DHX9: variants seen among roughly 807,000 people sequenced by gnomAD.
DHX9 encodes the protein ATP-dependent RNA helicase A.
Under a neutral mutation model 148.7 loss-of-function variants are expected in DHX9, and 27 were observed. That is an observed-to-expected ratio of 0.18 (90% CI 0.13 to 0.25). The LOEUF (loss-of-function observed/expected upper bound fraction) is 0.25. Among genes scored for constraint, DHX9 ranks in the 10% least tolerant of loss-of-function variants. The pLI is 1.00. For missense variants in DHX9, 796 were observed against 1,559.6 expected (o/e 0.51, Z 8.25); for synonymous variants, 529 against 516.6 (o/e 1.02, Z -0.33).
At chr1:182,856,450 A>G in intron 6 of DHX9, 82 bp from the exon 7 acceptor site, 1 of 1,232,602 alleles carries the variant, frequency 8.1e-7, no homozygotes, top group Non-Finnish European at 1.2e-6. Context: ...AAGCAGTTGG[A>G]AAGCCTGCCT....
At chr1:182,859,365 G>GT (rs1668313677) in intron 11 of DHX9, among the ~76,000 whole-genome samples, 1 of 151,998 alleles carries the variant, frequency 6.6e-6, no homozygotes, top group Admixed American at 6.5e-5. Context: ...TTTGTTGTTG[G>GT]TTTTTTTGTT....
chr1:182,868,382 C>G (rs1418746404), intron 14 of DHX9, among the ~76,000 whole-genome samples: 2 of 151,566 alleles, frequency 1.3e-5, no homozygotes, highest in Non-Finnish European at 2.9e-5. Context: ...TCAAGCATAA[C>G]AGTCAAAAAA....
Position 182,867,040 on chromosome 1 carries a change from T to G in DHX9, c.1554T>G (p.Ile518Met). The G allele has an allele frequency of 6.3e-7, 1 of 1,588,370 alleles. No homozygotes were observed. Among genetic ancestry groups the G allele is most frequent in the Non-Finnish European group, 8.6e-7 (1 of 1,167,530 alleles). Residue 518 changes from isoleucine to methionine, a missense_variant, in exon 14 of 28, where the codon ATT (isoleucine) becomes ATG (methionine). Physicochemically the swap from Ile to Met is conservative, Grantham distance 10. Around this residue, in one of 14 missense-constraint regions of DHX9, gnomAD observed 5 missense variants for 48.3 expected, o/e 0.10. Coordinates refer to ENST00000367549, the MANE Select transcript of DHX9 (RefSeq NM_001357.5). The stretch of plus-strand genomic sequence containing the variant: ...TAGATGAAATACATGAAAGAGATAT[T>G]AATGTAAGTAACTTGAGAGGTACAG... Reference protein sequence around the residue: ...VIVDEIHERDINTDFLLVVLR... With the variant: ...VIVDEIHERDMNTDFLLVVLR...
Position 182,872,381 on chromosome 1 carries a change from T to C in DHX9, c.1602T>C (p.Tyr534=), listed in dbSNP as rs770769503. Residue 534 remains tyrosine (Y), a synonymous_variant, in exon 15 of 28, where the codon TAT becomes TAC. Transcript: ENST00000367549. ...LVVLRDVVQA[Y]PEVRIVLMSA... ...TACTGCGTGATGTTGTTCAGGCTTA[T>C]CCTGAAGTTCGCATTGTTCTTATGT... is the stretch of plus-strand genomic sequence containing the variant. 1.2e-6 allele frequency: 2 copies of C among 1,614,014 alleles called. No homozygotes were observed. Among genetic ancestry groups the C allele is most frequent in the Admixed American group, 3.3e-5 (2 of 60,010 alleles).
chr1:182,874,641 A>G (rs1441121713), intron 15 of DHX9, among the ~76,000 whole-genome samples: 1 of 152,202 alleles, frequency 6.6e-6, no homozygotes, highest in East Asian at 1.9e-4. Context: ...ACATGTATAA[A>G]AGACACCTCA....
At chr1:182,875,178 C>T (rs1386722753) in intron 16 of DHX9, 2 of 560,706 alleles carry the variant, frequency 3.6e-6, no homozygotes, top group East Asian at 8.1e-5. Flanking sequence ...GCGTAAAGAT[C>T]AAAGGAAAAA....
intron 3 of DHX9, among the ~76,000 whole-genome samples, chr1:182,848,973 G>A (rs1421220156): frequency 6.6e-6 from 1 of 152,190 alleles, no homozygotes; most frequent in East Asian, 1.9e-4. Flanking sequence ...CCATGCATGA[G>A]AAACCCACCT....
chr1:182,842,498 T>C, intron 1 of DHX9, 47 bp from the exon 2 acceptor site: 3 of 1,110,340 alleles, frequency 2.7e-6, no homozygotes, highest in Non-Finnish European at 3.9e-6. Flanking sequence ...TTCCTCCCAG[T>C]TTTTGCTATT....
chr1:182,884,493 T>A (rs1426289151), intron 26 of DHX9, 120 bp from the exon 27 acceptor site: 17 of 890,984 alleles, frequency 1.9e-5, no homozygotes, highest in South Asian at 9.0e-5. Flanking sequence ...TTTTTTTTTT[T>A]AATATTAATG....
At chr1:182,870,352 G>A (rs766304512) in intron 14 of DHX9, among the ~76,000 whole-genome samples, 1 of 152,148 alleles carries the variant, frequency 6.6e-6, no homozygotes, top group African/African-American at 2.4e-5. Context: ...GCCCCAAATA[G>A]CCAGTATTTC....
chr1:182,847,381 GTTTTGTTTTT>G (rs1028354389), intron 3 of DHX9, among the ~76,000 whole-genome samples: 1 of 152,066 alleles, frequency 6.6e-6, no homozygotes, highest in Non-Finnish European at 1.5e-5. Context: ...GTTTTGTTTT[GTTTTGTTTTT>G]AATCAGGCAT....
intron 4 of DHX9, 87 bp downstream of exon 4, chr1:182,852,431 GAACTGCAGTA>G: frequency 1.1e-6 from 1 of 884,298 alleles, no homozygotes; most frequent in South Asian, 1.9e-5. Context: ...TGGGTAGAAA[GAACTGCAGTA>G]AACTCTTGAT....
intron 5 of DHX9, among the ~76,000 whole-genome samples, chr1:182,853,718 T>TA (rs1012888666): frequency 5.3e-5 from 8 of 151,456 alleles, no homozygotes; most frequent in Admixed American, 6.6e-5. Context: ...GCACTTAGAG[T>TA]AAAAAAAAGT....
At chr1:182,868,103 A>C (rs1478562478) in intron 14 of DHX9, among the ~76,000 whole-genome samples, 1 of 152,236 alleles carries the variant, frequency 6.6e-6, no homozygotes, top group Non-Finnish European at 1.5e-5. Context: ...TAAGTGTTTT[A>C]GGAGTTGTAT....
rs781709109 is a variant in DHX9 at position 182,858,565 on chromosome 1, A to G, written c.825A>G (p.Lys275=). The part of the protein sequence containing the change: ...KKEGETVEPY[K]VNLSQDLEHQ... ...TTTTTCCATAGGTGGAGCCTTACAA[A>G]GTAAACCTCTCTCAAGATTTAGAGC... is the stretch of plus-strand genomic sequence containing the variant. Residue 275 remains lysine, a synonymous_variant, in exon 9 of 28, where the codon AAA becomes AAG. Coordinates refer to ENST00000367549, the MANE Select transcript of DHX9 (RefSeq NM_001357.5). 11 of 1,610,084 alleles carry G rather than the reference A, an allele frequency of 6.8e-6. No individual in the cohort carries two copies. The South Asian group carries it at 1.1e-4, about 16-fold the overall frequency.
At chr1:182,876,762 A>G (rs1462845672) in intron 18 of DHX9, 68 bp from the exon 19 acceptor site, 1 of 1,228,792 alleles carries the variant, frequency 8.1e-7, no homozygotes, top group Non-Finnish European at 1.2e-6. Flanking sequence ...TTACATACAT[A>G]AGCAAATCAG....
At chr1:182,844,969 T>C (rs556489237) in intron 3 of DHX9, among the ~76,000 whole-genome samples, 26 of 152,326 alleles carry the variant, frequency 1.7e-4, no homozygotes, top group African/African-American at 6.3e-4. Flanking sequence ...AGCCTGTCTA[T>C]GCCAGTTTTA....
chr1:182,858,011 T>G (rs746446831), intron 7 of DHX9, 93 bp from the exon 8 acceptor site: 3 of 1,337,744 alleles, frequency 2.2e-6, no homozygotes, highest in Non-Finnish European at 2.0e-6. Context: ...TTTTAGGGCT[T>G]CTTGTGTACG....
At chr1:182,877,133 A>T in intron 19 of DHX9, 1 of 436,816 alleles carries the variant, frequency 2.3e-6, no homozygotes, top group South Asian at 3.3e-5. Context: ...GTAACTGATG[A>T]TTACTTCTCA....
Sources: allele counts gnomAD v4.1 joint callset (sites outside exome capture counted in the v4.1 genomes callset), GRCh38; gene constraint gnomAD v4.1.1; regional missense constraint gnomAD v4.1.1; transcripts MANE v1.5; gene names NCBI Gene and HGNC (gene_info 2026-07-23, HGNC 2026-07-21).